Variants in ACAP2 observed in about 807,000 individuals in gnomAD.
ACAP2 encodes ArfGAP with coiled-coil, ankyrin repeat and PH domains 2.
A neutral mutation model predicts 115.8 loss-of-function variants in ACAP2; 39 were observed. The ratio of observed to expected loss-of-function variants is 0.34; its 90% CI spans 0.26 to 0.44. ACAP2 has a LOEUF of 0.44. Ranked by LOEUF, ACAP2 falls within the 20% of genes least tolerant of loss-of-function variation. The pLI, the probability that ACAP2 is intolerant of heterozygous loss-of-function variation, is 1.00. For synonymous variants in ACAP2, 289 were observed against 315.8 expected (o/e 0.92, Z 0.90); for missense variants, 662 against 927.6 (o/e 0.71, Z 3.72).
chr3:195,354,067 C>T (rs1318253545), intron 4 of ACAP2, among the ~76,000 whole-genome samples: 1 of 152,152 alleles, frequency 6.6e-6, no homozygotes, highest in Non-Finnish European at 1.5e-5. Flanking sequence ...TTTAGCTCCC[C>T]CACTTATAAA....
chr3:195,301,688 T>G (rs748732418), intron 14 of ACAP2, 44 bp from the exon 15 acceptor site: 1 of 1,554,056 alleles, frequency 6.4e-7, no homozygotes, highest in Non-Finnish European at 8.8e-7. Context: ...AGTCTCTGTT[T>G]GCGTATTTGC....
intron 4 of ACAP2, among the ~76,000 whole-genome samples, chr3:195,361,550 T>C (rs532661443): frequency 1.3e-5 from 2 of 152,016 alleles, no homozygotes; most frequent in East Asian, 3.9e-4. Context: ...GGAAAGTTTA[T>C]AGCTAAGAGT....
chr3:195,331,773 A>G (rs1730183841), intron 8 of ACAP2, among the ~76,000 whole-genome samples: 1 of 152,230 alleles, frequency 6.6e-6, no homozygotes, highest in Non-Finnish European at 1.5e-5. Flanking sequence ...ATCATCAGAT[A>G]TGAAAAAATA....
chr3:195,419,840 T>C (rs944357881), intron 1 of ACAP2, among the ~76,000 whole-genome samples: 29 of 152,320 alleles, frequency 1.9e-4, no homozygotes, highest in African/African-American at 6.7e-4. Flanking sequence ...AAGTCTTACA[T>C]ACATCGGAGT....
chr3:195,340,663 T>C (rs1730807393), intron 6 of ACAP2, among the ~76,000 whole-genome samples: 1 of 152,140 alleles, frequency 6.6e-6, no homozygotes, highest in Non-Finnish European at 1.5e-5. Context: ...GAGAGTGTGG[T>C]CCACCACTGC....
At chr3:195,293,283 C>A (rs1276044346) in intron 18 of ACAP2, among the ~76,000 whole-genome samples, 1 of 152,182 alleles carries the variant, frequency 6.6e-6, no homozygotes, top group Non-Finnish European at 1.5e-5. Flanking sequence ...CCAATTGGCA[C>A]TACAAGCACT....
Position 195,301,569 on chromosome 3 carries a change from T to C in ACAP2, c.1395+6A>G, listed in dbSNP as rs1728058785. 16 of 1,597,950 alleles carry C rather than the reference T, an allele frequency of 1.0e-5. No individual in the cohort carries two copies. Among genetic ancestry groups the C allele is most frequent in the African/African-American group, 1.4e-5 (1 of 73,802 alleles). ...TGAAATATTTTAAAGCAAAAATTTT[T>C]TTTACCTTTAAAAGTTCTGGCTCCC... On this transcript the variant is annotated splice_donor_region_variant and intron_variant, in intron 15 of 22. Transcript: ENST00000326793.
chr3:195,333,816 G>A (rs911730220), intron 7 of ACAP2, among the ~76,000 whole-genome samples: 3 of 152,100 alleles, frequency 2.0e-5, no homozygotes, highest in Non-Finnish European at 4.4e-5. Context: ...GAAATATAAA[G>A]TGCTCAAAAT....
chr3:195,311,042 T>C (rs1233012160), intron 10 of ACAP2, among the ~76,000 whole-genome samples: 1 of 151,988 alleles, frequency 6.6e-6, no homozygotes, highest in African/African-American at 2.4e-5. Flanking sequence ...TTTTTAATTA[T>C]TTCTATAGAA....
At chr3:195,385,113 G>C (rs1266202692) in intron 2 of ACAP2, among the ~76,000 whole-genome samples, 1 of 151,792 alleles carries the variant, frequency 6.6e-6, no homozygotes, top group East Asian at 1.9e-4. Context: ...AAGACTAAGG[G>C]AATGCACATA....
chr3:195,279,566 G>T, intron 22 of ACAP2, 138 bp from the exon 23 acceptor site: 2 of 460,322 alleles, frequency 4.3e-6, no homozygotes, highest in Non-Finnish European at 3.7e-6. Flanking sequence ...AAGAAAAGGG[G>T]CAACTAAAAA....
chr3:195,281,165 A>G (rs1047999297), intron 22 of ACAP2, among the ~76,000 whole-genome samples: 2 of 152,116 alleles, frequency 1.3e-5, no homozygotes, highest in Non-Finnish European at 1.5e-5. Flanking sequence ...CAGCACTTTG[A>G]GAGGCCGAGA....
At chr3:195,279,546 G>A in intron 22 of ACAP2, 118 bp from the exon 23 acceptor site, 1 of 545,116 alleles carries the variant, frequency 1.8e-6, no homozygotes, top group Non-Finnish European at 2.9e-6. Context: ...GTTCAGATGA[G>A]CATTTTTGGA....
Position 195,346,422 on chromosome 3 carries a change from T to C in ACAP2, c.286-1105A>G, listed in dbSNP as rs936132452. Reference sequence around the variant, plus strand: ...TCAAACATTAAGAAGGAGAGACGCATCTTTATCATTGATTGTATATATATT... The same window carrying C: ...TCAAACATTAAGAAGGAGAGACGCACCTTTATCATTGATTGTATATATATT... On this transcript the variant is annotated intron_variant, in intron 4 of 22. Coordinates refer to ENST00000326793, the MANE Select transcript of ACAP2 (RefSeq NM_012287.6). Among the ~76,000 whole-genome samples the C allele has an allele frequency of 2.6e-4, 39 of 152,274 alleles. 1 individual carries two copies. Among genetic ancestry groups the C allele is most frequent in the African/African-American group, 9.4e-4 (39 of 41,554 alleles).
chr3:195,282,237 A>G lies in ACAP2; in HGVS notation c.2237-2809T>C, dbSNP rs560083621. On this transcript the variant is annotated intron_variant, in intron 22 of 22. Coordinates refer to ENST00000326793, the MANE Select transcript of ACAP2 (RefSeq NM_012287.6). ...ACCTATTACACAAGTATATTTTAGT[A>G]GAACCATTGTACCATGCAAAACAAA... is the stretch of plus-strand genomic sequence containing the variant. 2.6e-5 allele frequency: 4 copies of G among 152,360 alleles called. No individual in the cohort carries two copies. In the East Asian group the frequency reaches 5.8e-4, roughly 22 times the overall value. 9.4% of individuals were successfully genotyped at this position (152,360 alleles called of 1,614,324 possible).
intron 4 of ACAP2, among the ~76,000 whole-genome samples, chr3:195,359,480 T>C (rs1185266357): frequency 6.6e-6 from 1 of 152,202 alleles, no homozygotes; most frequent in African/African-American, 2.4e-5. Context: ...TTTGTTTGTT[T>C]GTTTTGAGAC....
At chr3:195,367,819 C>G (rs913577554) in intron 4 of ACAP2, among the ~76,000 whole-genome samples, 2 of 152,172 alleles carry the variant, frequency 1.3e-5, no homozygotes, top group African/African-American at 4.8e-5. Context: ...TCAGCCAACA[C>G]CAGTCATTCC....
chr3:195,336,843 G>A (rs1730538900), intron 7 of ACAP2, 89 bp downstream of exon 7: 1 of 1,011,844 alleles, frequency 9.9e-7, no homozygotes, highest in South Asian at 1.4e-5. Context: ...ACCTTATCAT[G>A]TATATAGCAG....
At chr3:195,389,813 C>A (rs556991251) in intron 2 of ACAP2, among the ~76,000 whole-genome samples, 31 of 152,330 alleles carry the variant, frequency 2.0e-4, no homozygotes, top group Non-Finnish European at 2.9e-4. Context: ...AGCCAGCTAG[C>A]GTTCCTCAGA....
Sources: allele counts gnomAD v4.1 joint callset (sites outside exome capture counted in the v4.1 genomes callset), GRCh38; gene constraint gnomAD v4.1.1; transcripts MANE v1.5; gene names NCBI Gene and HGNC (gene_info 2026-07-23, HGNC 2026-07-21).